The following ULK4 variants were observed in gnomAD, a reference collection of about 807,000 sequenced individuals.
ULK4 encodes the protein unc-51 like kinase 4, also known as inactive serine/threonine-protein kinase ULK4.
In ULK4, 133 loss-of-function variants were observed where a neutral mutation model predicts 160.6. That is an observed-to-expected ratio of 0.83 (90% CI 0.72 to 0.96). The LOEUF is 0.96. ULK4 is among the 40% of genes least tolerant of loss of function. The probability of loss-of-function intolerance (pLI) is 0.00; values close to 1 mark genes in which losing one functional copy is unlikely to be tolerated. For missense variants in ULK4, 1,580 were observed against 1,499.5 expected, an observed-to-expected ratio of 1.05 and a Z score of -0.89; for synonymous variants, 534 against 539.8, an observed-to-expected ratio of 0.99 and a Z score of 0.15.
chr3:41,775,559 C>G (rs1192612869), intron 21 of ULK4, among the ~76,000 whole-genome samples: 2 of 150,238 alleles, frequency 1.3e-5, no homozygotes, highest in Non-Finnish European at 2.9e-5. Context: ...CCACCACACC[C>G]AGCTAATTTT....
intron 21 of ULK4, among the ~76,000 whole-genome samples, chr3:41,785,968 A>G (rs1210574314): frequency 2.0e-5 from 3 of 152,076 alleles, no homozygotes; most frequent in Non-Finnish European, 4.4e-5. Flanking sequence ...TTCTTCCCCT[A>G]GATCTTCACA....
At chr3:41,729,758 A>G (rs968521680) in intron 22 of ULK4, among the ~76,000 whole-genome samples, 2 of 152,336 alleles carry the variant, frequency 1.3e-5, no homozygotes, top group South Asian at 4.1e-4. Flanking sequence ...TCAGGGAAGC[A>G]GCCCAAGCTG....
chr3:41,727,206 C>A (rs2037681870), intron 22 of ULK4, among the ~76,000 whole-genome samples: 1 of 152,158 alleles, frequency 6.6e-6, no homozygotes, highest in South Asian at 2.1e-4. Flanking sequence ...AGTCCTATGC[C>A]TAATATCTAC....
intron 30 of ULK4, among the ~76,000 whole-genome samples, chr3:41,644,076 C>A (rs921595171): frequency 2.6e-5 from 4 of 152,266 alleles, no homozygotes; most frequent in South Asian, 2.1e-4. Flanking sequence ...TGCTTATCAG[C>A]TTAAGGAGAT....
At chr3:41,489,410 A>C (rs1343086050) in intron 32 of ULK4, among the ~76,000 whole-genome samples, 1 of 152,182 alleles carries the variant, frequency 6.6e-6, no homozygotes, top group Non-Finnish European at 1.5e-5. Context: ...CAGAAGACTG[A>C]AAGTATTCAT....
intron 32 of ULK4, among the ~76,000 whole-genome samples, chr3:41,561,403 C>A (rs1417546202): frequency 6.6e-6 from 1 of 152,188 alleles, no homozygotes; most frequent in Non-Finnish European, 1.5e-5. Context: ...AGGATTCCTT[C>A]TCTTTCTATT....
intron 32 of ULK4, among the ~76,000 whole-genome samples, chr3:41,495,161 C>G (rs1235023795): frequency 1.3e-5 from 2 of 152,324 alleles, no homozygotes; most frequent in Admixed American, 6.5e-5. Context: ...GGAGGCATCA[C>G]ACTACCTGAC....
intron 20 of ULK4, among the ~76,000 whole-genome samples, chr3:41,795,240 T>C (rs563443308): frequency 1.3e-5 from 2 of 152,354 alleles, no homozygotes; most frequent in South Asian, 4.1e-4. Context: ...AATCCTCATG[T>C]AAATCTATTA....
intron 27 of ULK4, among the ~76,000 whole-genome samples, chr3:41,686,224 C>T (rs2036096685): frequency 6.6e-6 from 1 of 151,954 alleles, no homozygotes; most frequent in Admixed American, 6.6e-5. Context: ...TTGTCACTGC[C>T]ACTATCAAAA....
intron 32 of ULK4, among the ~76,000 whole-genome samples, chr3:41,487,676 T>C (rs1039070): frequency 0.41 from 62,232 of 151,902 alleles, 12,924 homozygotes; most frequent in African/African-American, 0.43. Context: ...ATATCATTCA[T>C]AAAAACAAAT....
intron 35 of ULK4, among the ~76,000 whole-genome samples, chr3:41,303,908 A>T (rs578185563): frequency 3.0e-4 from 45 of 152,140 alleles, no homozygotes; most frequent in Non-Finnish European, 6.0e-4. Context: ...AAGGATTCTT[A>T]GAAATATTTG....
In ULK4 at chr3:41,329,227, A is replaced by G. The variant is rs186373525; in HGVS notation, c.3678+68852T>C. Among the ~76,000 whole-genome samples the G allele has an allele frequency of 1.6e-3, 246 of 152,330 alleles. 4 individuals carry two copies. The highest frequency in any genetic ancestry group is 5.4e-3 in the African/African-American group (223 of 41,566). On this transcript the variant is annotated intron_variant, in intron 35 of 36. Coordinates refer to ENST00000301831, the MANE Select transcript of ULK4 (RefSeq NM_017886.4). Reference sequence around the variant, plus strand: ...TTGCTGCAACGTATCAATACTACAAATTCTTAAACAGAGTATGATGGGGAA... The same window carrying G: ...TTGCTGCAACGTATCAATACTACAAGTTCTTAAACAGAGTATGATGGGGAA...
chr3:41,616,179 C>T (rs560728147), intron 30 of ULK4, among the ~76,000 whole-genome samples: 1 of 152,102 alleles, frequency 6.6e-6, no homozygotes, highest in African/African-American at 2.4e-5. Context: ...AAATTAGACA[C>T]CAGTCACCTG....
At chr3:41,728,943 G>A (rs778541764) in intron 22 of ULK4, among the ~76,000 whole-genome samples, 1 of 152,108 alleles carries the variant, frequency 6.6e-6, no homozygotes, top group Non-Finnish European at 1.5e-5. Context: ...TATGATGACT[G>A]TCTGATGTTA....
At position 41,595,618 on chromosome 3, in the gene ULK4, G is replaced by A. The variant is rs551923854; in HGVS notation, c.3120+20051C>T. ...GAGACCAAGAAGTTGTACTAGGGAG[G>A]TGGGAGGGAAACTGGAGGGTGTAGT... On this transcript the variant is annotated intron_variant, in intron 31 of 36. Transcript: ENST00000301831. Among the ~76,000 whole-genome samples the A allele has an allele frequency of 5.3e-5, 8 of 152,296 alleles. No individual in the cohort carries two copies. In the South Asian group the frequency reaches 1.2e-3, roughly 24 times the overall value.
chr3:41,848,990 T>C (rs538052003), intron 17 of ULK4, among the ~76,000 whole-genome samples: 3 of 152,290 alleles, frequency 2.0e-5, no homozygotes, highest in African/African-American at 7.2e-5. Context: ...TGTATTCCTA[T>C]GTGCAATTTT....
chr3:41,254,262 C>T (rs1379904290), intron 35 of ULK4, among the ~76,000 whole-genome samples: 1 of 152,118 alleles, frequency 6.6e-6, no homozygotes, highest in Non-Finnish European at 1.5e-5. Flanking sequence ...CGTATCTTAA[C>T]ACATTTAAAA....
At chr3:41,431,337 A>T (rs2082900542) in intron 34 of ULK4, among the ~76,000 whole-genome samples, 1 of 147,674 alleles carries the variant, frequency 6.8e-6, no homozygotes, top group Admixed American at 6.9e-5. Flanking sequence ...ACACAGCGAG[A>T]CTCCGTCACA....
intron 30 of ULK4, among the ~76,000 whole-genome samples, chr3:41,637,197 TTCTACCTCCTTCCC>T (rs1362380991): frequency 1.3e-5 from 2 of 152,138 alleles, no homozygotes; most frequent in Admixed American, 1.3e-4. Context: ...CTCCCCAACC[TTCTACCTCCTTCCC>T]TCACCCCTCA....
Sources: allele counts gnomAD v4.1 joint callset (sites outside exome capture counted in the v4.1 genomes callset), GRCh38; gene constraint gnomAD v4.1.1; transcripts MANE v1.5; gene names NCBI Gene and HGNC (gene_info 2026-07-23, HGNC 2026-07-21).